The following ADCY2 variants were observed in gnomAD, a reference collection of about 807,000 sequenced individuals.
The protein encoded by ADCY2 is adenylate cyclase 2.
In ADCY2, 31 loss-of-function variants were observed where a neutral mutation model predicts 125.2. That is an observed-to-expected ratio of 0.25 (90% CI 0.19 to 0.33). ADCY2 has a LOEUF of 0.33. Ranked by LOEUF, ADCY2 falls within the 10% of genes least tolerant of loss-of-function variation. The probability of loss-of-function intolerance (pLI) is 1.00; values close to 1 mark genes in which losing one functional copy is unlikely to be tolerated. For missense variants in ADCY2, 904 were observed against 1,418.2 expected, an observed-to-expected ratio of 0.64 and a Z score of 5.82; for synonymous variants, 512 against 548.4, an observed-to-expected ratio of 0.93 and a Z score of 0.93.
chr5:7,619,413 A>G (rs954458127), intron 3 of ADCY2, among the ~76,000 whole-genome samples: 1 of 152,184 alleles, frequency 6.6e-6, no homozygotes, highest in African/African-American at 2.4e-5. Flanking sequence ...CATCTGCCCT[A>G]TTTTGGATGC....
chr5:7,570,741 A>G (rs1736042189), intron 3 of ADCY2, among the ~76,000 whole-genome samples: 1 of 152,286 alleles, frequency 6.6e-6, no homozygotes, highest in African/African-American at 2.4e-5. Flanking sequence ...GGCTTCTAGA[A>G]ACTTTCTTTC....
chr5:7,488,011 A>G (rs113696471), intron 2 of ADCY2, among the ~76,000 whole-genome samples: 4 of 152,186 alleles, frequency 2.6e-5, no homozygotes, highest in Non-Finnish European at 5.9e-5. Context: ...AAAGAAAAAA[A>G]CATTATGATA....
chr5:7,795,860 T>C (rs1440185519), intron 20 of ADCY2: 1 of 144,958 alleles, frequency 6.9e-6, no homozygotes, highest in African/African-American at 2.9e-5. Flanking sequence ...TAGCATGATG[T>C]GTAAAAAAAA....
intron 3 of ADCY2, chr5:7,610,983 T>A (rs1284609993): frequency 6.6e-6 from 1 of 152,226 alleles, no homozygotes; most frequent in Non-Finnish European, 1.5e-5. Flanking sequence ...CTCATCAGCA[T>A]CTTTCACTGC....
At chr5:7,545,922 T>G (rs1735134416) in intron 3 of ADCY2, among the ~76,000 whole-genome samples, 1 of 152,162 alleles carries the variant, frequency 6.6e-6, no homozygotes, top group Non-Finnish European at 1.5e-5. Flanking sequence ...GCTGGGTGTG[T>G]GCAGACGGGG....
intron 4 of ADCY2, among the ~76,000 whole-genome samples, chr5:7,629,683 G>A (rs1455167117): frequency 1.3e-5 from 2 of 152,214 alleles, no homozygotes; most frequent in East Asian, 3.9e-4. Flanking sequence ...CTCGAGTTTT[G>A]ACTTTTGTCT....
chr5:7,486,712 AT>A (rs1448909338), intron 2 of ADCY2, among the ~76,000 whole-genome samples: 1 of 151,532 alleles, frequency 6.6e-6, no homozygotes, highest in Admixed American at 6.6e-5. Flanking sequence ...ACAAAGAGAA[AT>A]TTACAAAAAA....
rs1018118145 is a variant in ADCY2 at position 7,656,766 on chromosome 5, GA to G, written c.720+30451del. Among the ~76,000 whole-genome samples the G allele has an allele frequency of 3.7e-4, 57 of 152,320 alleles. 1 individual carries two copies. Among genetic ancestry groups the G allele is most frequent in the African/African-American group, 1.3e-3 (54 of 41,574 alleles). On this transcript the variant is annotated intron_variant, in intron 4 of 24. Transcript: ENST00000338316. ...TGCGATTGTAATCCCTCTGAAGGGGGATGAGAGATCCTGGGTTCAGGTATAG... is the reference window on the plus strand; with the variant it reads ...TGCGATTGTAATCCCTCTGAAGGGGGTGAGAGATCCTGGGTTCAGGTATAG...
At chr5:7,730,067 T>C (rs1200169052) in intron 14 of ADCY2, among the ~76,000 whole-genome samples, 1 of 152,090 alleles carries the variant, frequency 6.6e-6, no homozygotes, top group Non-Finnish European at 1.5e-5. Context: ...CCATAGTCCA[T>C]TGTATCACTC....
At chr5:7,434,172 C>G (rs889192631) in intron 2 of ADCY2, among the ~76,000 whole-genome samples, 20 of 152,150 alleles carry the variant, frequency 1.3e-4, no homozygotes, top group African/African-American at 4.1e-4. Context: ...ATATTTGCAG[C>G]TACCCACTAG....
chr5:7,628,236 G>A (rs752962828), intron 4 of ADCY2, among the ~76,000 whole-genome samples: 6 of 152,124 alleles, frequency 3.9e-5, no homozygotes, highest in African/African-American at 1.4e-4. Context: ...AGTTGGGCCC[G>A]ACAGACATGT....
intron 3 of ADCY2, among the ~76,000 whole-genome samples, chr5:7,589,474 G>GAA (rs1421346444): frequency 1.4e-4 from 7 of 48,696 alleles, no homozygotes; most frequent in Non-Finnish European, 3.5e-4. Flanking sequence ...AAGAAAGAAA[G>GAA]AAAGAAAGAA....
chr5:7,475,307 T>C (rs1202180414), intron 2 of ADCY2, among the ~76,000 whole-genome samples: 1 of 151,934 alleles, frequency 6.6e-6, no homozygotes, highest in Non-Finnish European at 1.5e-5. Flanking sequence ...GTATCCGTGG[T>C]CTGGAGAATG....
chr5:7,770,449 A>G (rs1743520199), intron 17 of ADCY2, among the ~76,000 whole-genome samples: 1 of 152,370 alleles, frequency 6.6e-6, no homozygotes, highest in Middle Eastern at 3.4e-3. Flanking sequence ...GTTTTCAAGC[A>G]TAATTTTAGA....
chr5:7,698,024 AT>A (rs1307190327), intron 6 of ADCY2, among the ~76,000 whole-genome samples: 6 of 151,794 alleles, frequency 4.0e-5, no homozygotes, highest in African/African-American at 1.5e-4. Flanking sequence ...CTTCTTTCTC[AT>A]TTTTTCCCCT....
intron 2 of ADCY2, among the ~76,000 whole-genome samples, chr5:7,439,932 T>A (rs1740948413): frequency 6.6e-6 from 1 of 151,532 alleles, no homozygotes; most frequent in Non-Finnish European, 1.5e-5. Context: ...GAGAGGAGAG[T>A]TCAGAGCTCA....
chr5:7,641,174 A>G (rs1738692758), intron 4 of ADCY2, among the ~76,000 whole-genome samples: 1 of 152,132 alleles, frequency 6.6e-6, no homozygotes, highest in African/African-American at 2.4e-5. Flanking sequence ...ACTCTATGAT[A>G]CCTGCAGCCC....
At chr5:7,454,374 A>G (rs573794406) in intron 2 of ADCY2, among the ~76,000 whole-genome samples, 1 of 152,146 alleles carries the variant, frequency 6.6e-6, no homozygotes, top group Non-Finnish European at 1.5e-5. Flanking sequence ...GACTCACTTT[A>G]TTTCGGCATT....
chr5:7,426,079 G>T (rs1032904254), intron 2 of ADCY2, among the ~76,000 whole-genome samples: 4 of 152,172 alleles, frequency 2.6e-5, no homozygotes, highest in African/African-American at 9.7e-5. Flanking sequence ...TGCCAGAGAT[G>T]AGGTGGAGAG....
Sources: allele counts gnomAD v4.1 joint callset (sites outside exome capture counted in the v4.1 genomes callset), GRCh38; gene constraint gnomAD v4.1.1; transcripts MANE v1.5; gene names NCBI Gene and HGNC (gene_info 2026-07-23, HGNC 2026-07-21).